SLC22A3: variants seen among roughly 807,000 people sequenced by gnomAD.
SLC22A3 encodes solute carrier family 22 member 3, also known as EMT organic cation transporter 3.
A neutral mutation model predicts 59.1 loss-of-function variants in SLC22A3; 51 were observed. That is an observed-to-expected ratio of 0.86 (90% CI 0.69 to 1.09). The LOEUF (loss-of-function observed/expected upper bound fraction) is 1.09. Ranked by LOEUF, SLC22A3 falls within the 50% of genes least tolerant of loss-of-function variation. The probability of loss-of-function intolerance (pLI) is 0.00; values close to 1 mark genes in which losing one functional copy is unlikely to be tolerated. For synonymous variants in SLC22A3, 325 were observed against 292.0 expected (o/e 1.11, Z -1.15); for missense variants, 711 against 726.3 (o/e 0.98, Z 0.24).
chr6:160,421,517 T>A (rs1415836443), intron 5 of SLC22A3, among the ~76,000 whole-genome samples: 3 of 152,168 alleles, frequency 2.0e-5, no homozygotes, highest in African/African-American at 7.2e-5. Context: ...GGAGCAAAAG[T>A]CTTCCCCTTT....
rs1035767491 is a variant in SLC22A3, at chr6:160,451,354, G to A, written c.*298G>A. ...GTTCCCTGTGGTCTCTGACCCATTA[G>A]GCTAAAGAGAGACAAGAGAAGCCCC... On this transcript the variant is annotated 3_prime_UTR_variant, in exon 11 of 11. Coordinates refer to ENST00000275300, the MANE Select transcript of SLC22A3 (RefSeq NM_021977.4). The A allele has an allele frequency of 4.8e-5, 17 of 353,238 alleles. No homozygotes were observed. The highest frequency in any genetic ancestry group is 9.0e-5 in the Non-Finnish European group (17 of 189,544). The allele number at this position is 353,238 out of a possible 1,614,324, so 21.9% of individuals were successfully genotyped here. A position where few individuals can be genotyped will look rare whatever the true frequency, so the allele number is the denominator to read the frequency against.
intron 3 of SLC22A3, among the ~76,000 whole-genome samples, chr6:160,407,718 C>T (rs1787073949): frequency 6.6e-6 from 1 of 152,094 alleles, no homozygotes; most frequent in Non-Finnish European, 1.5e-5. Context: ...GAAAGTTTGA[C>T]CTTCTGGTGA....
At chr6:160,429,730 A>G (rs1788083703) in intron 5 of SLC22A3, among the ~76,000 whole-genome samples, 1 of 152,190 alleles carries the variant, frequency 6.6e-6, no homozygotes, top group Non-Finnish European at 1.5e-5. Flanking sequence ...GGTATTTGCC[A>G]GTGTGCACAT....
At chr6:160,377,503 C>A (rs1785641673) in intron 1 of SLC22A3, among the ~76,000 whole-genome samples, 1 of 150,988 alleles carries the variant, frequency 6.6e-6, no homozygotes, top group Non-Finnish European at 1.5e-5. Context: ...GAAAGAAAAA[C>A]AGGGAAACGT....
At chr6:160,450,929 TAACAG>T in intron 10 of SLC22A3, 62 bp from the exon 11 acceptor site, 1 of 1,425,398 alleles carries the variant, frequency 7.0e-7, no homozygotes, top group South Asian at 1.2e-5. Context: ...TATTAAATAA[TAACAG>T]AACACCCTCT....
intron 1 of SLC22A3, among the ~76,000 whole-genome samples, chr6:160,389,621 A>G (rs980935177): frequency 6.6e-6 from 1 of 152,360 alleles, no homozygotes; most frequent in Admixed American, 6.5e-5. Context: ...AGAGCAGGTC[A>G]GAGATTGGTC....
intron 2 of SLC22A3, among the ~76,000 whole-genome samples, chr6:160,398,643 T>C (rs1479465249): frequency 2.6e-5 from 4 of 152,256 alleles, no homozygotes; most frequent in Admixed American, 2.6e-4. Flanking sequence ...GGTGAGTGTG[T>C]ATATTCAAGA....
At chr6:160,385,351 G>A (rs1785961164) in intron 1 of SLC22A3, among the ~76,000 whole-genome samples, 1 of 152,214 alleles carries the variant, frequency 6.6e-6, no homozygotes, top group Non-Finnish European at 1.5e-5. Flanking sequence ...GAGACACAGT[G>A]CCTTGTTCAA....
At chr6:160,402,749 T>G (rs1009440508) in intron 2 of SLC22A3, among the ~76,000 whole-genome samples, 2 of 151,668 alleles carry the variant, frequency 1.3e-5, no homozygotes, top group African/African-American at 4.8e-5. Flanking sequence ...GAAGGATAGA[T>G]GGAAAATCCC....
At chr6:160,353,308 G>C (rs1784722902) in intron 1 of SLC22A3, among the ~76,000 whole-genome samples, 1 of 152,182 alleles carries the variant, frequency 6.6e-6, no homozygotes, top group African/African-American at 2.4e-5. Context: ...GCTCCTCTCT[G>C]GCAGCTGATA....
At chr6:160,447,506 C>T (rs1051523816) in intron 9 of SLC22A3, among the ~76,000 whole-genome samples, 35 of 152,142 alleles carry the variant, frequency 2.3e-4, no homozygotes, top group African/African-American at 8.4e-4. Context: ...GCCAGGTATA[C>T]AGGGGCCGTG....
chr6:160,413,744 A>C (rs987562403), intron 5 of SLC22A3, among the ~76,000 whole-genome samples: 3 of 152,218 alleles, frequency 2.0e-5, no homozygotes, highest in African/African-American at 7.2e-5. Flanking sequence ...ATGGTATATA[A>C]AATATAAATA....
intron 1 of SLC22A3, among the ~76,000 whole-genome samples, chr6:160,397,364 T>G (rs779542073): frequency 1.3e-5 from 2 of 151,944 alleles, no homozygotes; most frequent in Non-Finnish European, 2.9e-5. Flanking sequence ...CTGTGCGGTC[T>G]GGTTCCTAAC....
chr6:160,442,076 G>C (rs2174914), intron 7 of SLC22A3, among the ~76,000 whole-genome samples: 37,575 of 152,162 alleles, frequency 0.25, 5,109 homozygotes, highest in East Asian at 0.41. Context: ...CATACAACCA[G>C]AGCAGTCCTA....
chr6:160,373,380 C>G (rs1478845617), intron 1 of SLC22A3, among the ~76,000 whole-genome samples: 1 of 152,168 alleles, frequency 6.6e-6, no homozygotes, highest in Non-Finnish European at 1.5e-5. Flanking sequence ...CCTCTGGAAG[C>G]TTTGTCTCAG....
intron 5 of SLC22A3, among the ~76,000 whole-genome samples, chr6:160,417,266 C>A (rs754104797): frequency 6.6e-6 from 1 of 152,174 alleles, no homozygotes; most frequent in African/African-American, 2.4e-5. Flanking sequence ...CTTCTGTCTG[C>A]CACAAGAACA....
Position 160,349,672 on chromosome 6 carries a change from G to A in SLC22A3, c.429+824G>A, listed in dbSNP as rs9365154. Among the ~76,000 whole-genome samples the A allele has an allele frequency of 1.1e-3, 174 of 152,246 alleles. 5 individuals are homozygous for A. The East Asian group carries it at 0.033, about 29-fold the overall frequency. On this transcript the variant is annotated intron_variant, in intron 1 of 10. Coordinates refer to ENST00000275300, the MANE Select transcript of SLC22A3 (RefSeq NM_021977.4). ...CCCTTGCCCTCAGTAATCTGTTTCT[G>A]CATCCTTGCTGAAATGGAAGATTGC...
At chr6:160,405,776 T>C (rs1786988697) in intron 2 of SLC22A3, among the ~76,000 whole-genome samples, 1 of 152,012 alleles carries the variant, frequency 6.6e-6, no homozygotes, top group Non-Finnish European at 1.5e-5. Context: ...TGAAAATACA[T>C]AGAGGAAACG....
rs567090871 is a variant in SLC22A3 at position 160,431,254 on chromosome 6, G to A, written c.976-5526G>A. 1.3e-4 allele frequency among the ~76,000 whole-genome samples: 19 copies of A among 147,236 alleles called. 1 individual carries two copies. Among genetic ancestry groups the A allele is most frequent in the African/African-American group, 4.6e-4 (19 of 41,208 alleles). On this transcript the variant is annotated intron_variant, in intron 5 of 10. Transcript: ENST00000275300. ...GCAACAGAAAATCAGCACAGATATAGAGCTAGAAGTTATTGTAAAAGAATA... is the reference window on the plus strand; with the variant it reads ...GCAACAGAAAATCAGCACAGATATAAAGCTAGAAGTTATTGTAAAAGAATA...
Sources: gnomAD v4.1 joint callset for allele counts (sites outside exome capture counted in the v4.1 genomes callset) on GRCh38, gnomAD v4.1.1 for gene constraint, MANE v1.5 for transcripts, NCBI Gene and HGNC (gene_info 2026-07-23, HGNC 2026-07-21) for gene names.